Variants in DYNC2H1 observed in about 807,000 individuals in gnomAD.
DYNC2H1 encodes the protein cytoplasmic dynein 2 heavy chain 1.
Under a neutral mutation model 570.0 loss-of-function variants are expected in DYNC2H1, and 410 were observed. That is an observed-to-expected ratio of 0.72 (90% CI 0.66 to 0.78). The LOEUF is 0.78. DYNC2H1 is among the 30% of genes least tolerant of loss of function. The pLI is 0.00. For missense variants in DYNC2H1, 4,865 were observed against 5,046.4 expected (o/e 0.96, Z 1.09); for synonymous variants, 1,688 against 1,677.6 (o/e 1.01, Z -0.15).
chr11:103,196,347 C>A (rs1297514744), intron 47 of DYNC2H1, among the ~76,000 whole-genome samples: 2 of 152,092 alleles, frequency 1.3e-5, no homozygotes, highest in Non-Finnish European at 2.9e-5. Context: ...TTTTGGAAAT[C>A]TACATGGAGT....
rs1188885164 is a variant in DYNC2H1, at chr11:103,440,409, C to T, written c.12456+4377C>T. Among the ~76,000 whole-genome samples, 10 of 152,228 alleles carry T rather than the reference C, an allele frequency of 6.6e-5. 1 individual carries two copies. Among genetic ancestry groups the T allele is most frequent in the Middle Eastern group, 6.8e-3 (2 of 294 alleles). ...TCTTTAGTTTTAAGATCCACAGTGACGACTTGAACTCCACTCAGTTTTTTT... is the reference window on the plus strand; with the variant it reads ...TCTTTAGTTTTAAGATCCACAGTGATGACTTGAACTCCACTCAGTTTTTTT... On this transcript the variant is annotated intron_variant, in intron 85 of 88. Transcript: ENST00000375735.
intron 87 of DYNC2H1, among the ~76,000 whole-genome samples, chr11:103,457,206 T>A (rs1005057615): frequency 6.6e-6 from 1 of 152,260 alleles, no homozygotes; most frequent in African/African-American, 2.4e-5. Context: ...TAATTATGTA[T>A]AGTACATAAT....
chr11:103,135,354 A>T (rs1306367683), intron 15 of DYNC2H1, 141 bp from the exon 16 acceptor site: 2 of 642,248 alleles, frequency 3.1e-6, no homozygotes, highest in Non-Finnish European at 4.7e-6. Context: ...AGTAACAAGG[A>T]TGTACCAGTT....
At position 103,145,951 on chromosome 11, in the gene DYNC2H1, T is replaced by G. The variant is rs545999937; in HGVS notation, c.2703-1821T>G. On this transcript the variant is annotated intron_variant, in intron 18 of 88. Coordinates refer to ENST00000375735, the MANE Select transcript of DYNC2H1 (RefSeq NM_001377.3). The surrounding 1 kb of genome is among the most constrained non-coding windows in gnomAD (Gnocchi z 4.2). ...TGTAATTAGATCACTTTATGTTAAT[T>G]CATTAGCAAAATACAGTATAATATA... Among the ~76,000 whole-genome samples, 47 of 152,326 alleles carry G rather than the reference T, an allele frequency of 3.1e-4. No individual in the cohort carries two copies. The highest frequency in any genetic ancestry group is 6.3e-4 in the Non-Finnish European group (43 of 68,008).
intron 75 of DYNC2H1, among the ~76,000 whole-genome samples, chr11:103,300,536 G>C (rs529018646): frequency 1.3e-5 from 2 of 152,088 alleles, no homozygotes; most frequent in Non-Finnish European, 2.9e-5. Flanking sequence ...CTGGAGTTTT[G>C]TGGGCAGGAT....
At position 103,189,824 on chromosome 11, in the gene DYNC2H1, T is replaced by C. The variant is rs1270044710; in HGVS notation, c.7437+8T>C. 3.8e-6 allele frequency: 6 copies of C among 1,585,134 alleles called. No homozygotes were observed. In the Admixed American group the frequency reaches 5.5e-5, roughly 14 times the overall value. ...GTACAAGTGTATGAACAGGTAGATA[T>C]GCATCTAAATTGTAGCTTTCATGTC... is the stretch of plus-strand genomic sequence containing the variant. On this transcript the variant is annotated splice_region_variant and intron_variant, in intron 45 of 88. Transcript: ENST00000375735. This position sits in a 1 kb window ranked among gnomAD's most constrained non-coding sequence, Gnocchi z 4.3.
chr11:103,187,621 T>G, intron 43 of DYNC2H1, 35 bp downstream of exon 43: 1 of 1,592,872 alleles, frequency 6.3e-7, no homozygotes, highest in South Asian at 1.2e-5. Context: ...TTAATCTAAT[T>G]GGAAACAATT....
At chr11:103,409,315 GAT>G (rs1565573390) in intron 84 of DYNC2H1, among the ~76,000 whole-genome samples, 1 of 151,906 alleles carries the variant, frequency 6.6e-6, no homozygotes, top group African/African-American at 2.4e-5. Context: ...TGTGATGGAG[GAT>G]ATCTTCATGT....
In DYNC2H1 at chr11:103,441,251, G is replaced by A. The variant is rs190990304; in HGVS notation, c.12456+5219G>A. On this transcript the variant is annotated intron_variant, in intron 85 of 88. Coordinates refer to ENST00000375735, the MANE Select transcript of DYNC2H1 (RefSeq NM_001377.3). ...TTCCTCTCCTTGGAATGCTCTCCCC[G>A]GGATATGTGCAAGGAAGCTTCCTTA... Among the ~76,000 whole-genome samples the A allele has an allele frequency of 3.1e-3, 467 of 151,950 alleles. 4 individuals carry two copies. Among genetic ancestry groups the A allele is most frequent in the African/African-American group, 9.9e-3 (411 of 41,444 alleles).
intron 57 of DYNC2H1, among the ~76,000 whole-genome samples, chr11:103,221,039 A>G (rs1272290478): frequency 6.6e-6 from 1 of 152,144 alleles, no homozygotes; most frequent in African/African-American, 2.4e-5. Context: ...ATTTCTCAAT[A>G]AATATAATAA....
chr11:103,207,840 C>A (rs1863000540), intron 52 of DYNC2H1, among the ~76,000 whole-genome samples: 1 of 151,800 alleles, frequency 6.6e-6, no homozygotes, highest in Non-Finnish European at 1.5e-5. Flanking sequence ...TTGAGTATGA[C>A]AAAACAATTG....
chr11:103,156,828 A>C, intron 26 of DYNC2H1, 58 bp downstream of exon 26: 2 of 1,562,546 alleles, frequency 1.3e-6, no homozygotes, highest in South Asian at 2.4e-5. Context: ...ATTAATTCAT[A>C]TTGTGAAGTG....
chr11:103,473,759 T>C (rs978681808), intron 88 of DYNC2H1, among the ~76,000 whole-genome samples: 1 of 152,212 alleles, frequency 6.6e-6, no homozygotes, highest in Non-Finnish European at 1.5e-5. Flanking sequence ...TTGCCTTTGC[T>C]CTATCTTCCT....
chr11:103,111,386 A>G (rs1039434804), intron 1 of DYNC2H1, among the ~76,000 whole-genome samples: 7 of 152,240 alleles, frequency 4.6e-5, no homozygotes, highest in African/African-American at 1.7e-4. Flanking sequence ...ACATTGTAAG[A>G]TAGGAACTAT....
chr11:103,377,859 C>T (rs1321403028), intron 83 of DYNC2H1, among the ~76,000 whole-genome samples: 2 of 152,180 alleles, frequency 1.3e-5, no homozygotes, highest in East Asian at 3.9e-4. Context: ...GCTTCAGCCT[C>T]CCAATTAGCT....
intron 70 of DYNC2H1, among the ~76,000 whole-genome samples, chr11:103,265,889 T>G (rs1002422153): frequency 3.9e-5 from 6 of 152,198 alleles, no homozygotes; most frequent in African/African-American, 1.4e-4. Context: ...TTGATTGAGG[T>G]TTAAGCTGGA....
intron 75 of DYNC2H1, among the ~76,000 whole-genome samples, chr11:103,300,555 T>C (rs1480798880): frequency 6.6e-6 from 1 of 152,066 alleles, no homozygotes; most frequent in African/African-American, 2.4e-5. Context: ...ATGGCTAACA[T>C]ATAATTCCAA....
Position 103,411,784 on chromosome 11 carries a change from A to T in DYNC2H1, c.12366+11912A>T, listed in dbSNP as rs1316235074. On this transcript the variant is annotated intron_variant, in intron 84 of 88. Coordinates refer to ENST00000375735, the MANE Select transcript of DYNC2H1 (RefSeq NM_001377.3). The stretch of plus-strand genomic sequence containing the variant: ...AAACTGGATGGCTTATTTCTTAATT[A>T]ACATGTATTTATGTAGGATGCAGAT... Among the ~76,000 whole-genome samples the T allele has an allele frequency of 3.9e-5, 6 of 152,088 alleles. No homozygotes were observed. In the South Asian group the frequency reaches 1.2e-3, roughly 31 times the overall value.
intron 4 of DYNC2H1, among the ~76,000 whole-genome samples, chr11:103,115,815 C>G (rs1395860097): frequency 6.6e-6 from 1 of 151,954 alleles, no homozygotes; most frequent in Non-Finnish European, 1.5e-5. Context: ...AAAAAAACCC[C>G]AAAATTACTT....
Sources: gnomAD v4.1 joint callset for allele counts (sites outside exome capture counted in the v4.1 genomes callset) on GRCh38, gnomAD v4.1.1 for gene constraint, Gnocchi (gnomAD v3.1) non-coding constraint, MANE v1.5 for transcripts, NCBI Gene and HGNC (gene_info 2026-07-23, HGNC 2026-07-21) for gene names.